NGEF: variants seen among roughly 807,000 people sequenced by gnomAD.
NGEF encodes the protein ephexin-1.
A neutral mutation model predicts 80.9 loss-of-function variants in NGEF; 31 were observed. The observed-to-expected ratio is 0.38, with a 90% CI of 0.29 to 0.52. NGEF has a LOEUF of 0.52. Ranked by LOEUF, NGEF falls within the 20% of genes least tolerant of loss-of-function variation. NGEF has a pLI of 0.84. For synonymous variants in NGEF, 371 were observed against 370.2 expected, an observed-to-expected ratio of 1.00 and a Z score of -0.03; for missense variants, 709 against 926.2, an observed-to-expected ratio of 0.77 and a Z score of 3.04.
chr2:232,884,992 G>A lies in NGEF; in HGVS notation c.1437+288C>T, dbSNP rs374978272. ...ATGTAAACTGACTGCTCAAGGCCACGCAGCGGGCAGGTGAGAGCAGGGTCC... is the reference window on the plus strand; with the variant it reads ...ATGTAAACTGACTGCTCAAGGCCACACAGCGGGCAGGTGAGAGCAGGGTCC... On this transcript the variant is annotated intron_variant, in intron 10 of 14. Transcript: ENST00000264051. 351 of 333,306 alleles carry A rather than the reference G, an allele frequency of 1.1e-3. 1 individual carries two copies. The highest frequency in any genetic ancestry group is 7.0e-3 in the African/African-American group (330 of 47,318). 20.6% of individuals were successfully genotyped at this position (333,306 alleles called of 1,614,324 possible). A position where few individuals can be genotyped will look rare whatever the true frequency, so the allele number is the denominator to read the frequency against.
intron 3 of NGEF, 33 bp from the exon 4 acceptor site, chr2:232,927,219 AT>A: frequency 6.6e-7 from 1 of 1,523,952 alleles, no homozygotes. Flanking sequence ...GGGGCTGGTT[AT>A]TTTTAAGCAA....
At chr2:232,978,779 G>T (rs575724532) in intron 1 of NGEF, among the ~76,000 whole-genome samples, 1 of 152,322 alleles carries the variant, frequency 6.6e-6, no homozygotes, top group East Asian at 1.9e-4. Flanking sequence ...GAGAGCAGTG[G>T]TGCAGTAGAG....
At chr2:232,963,354 A>G (rs1693990618) in intron 3 of NGEF, among the ~76,000 whole-genome samples, 1 of 152,146 alleles carries the variant, frequency 6.6e-6, no homozygotes, top group African/African-American at 2.4e-5. Context: ...TATGGACCAT[A>G]GACCCAAATG....
intron 3 of NGEF, among the ~76,000 whole-genome samples, chr2:232,961,945 A>G (rs1559225895): frequency 6.6e-6 from 1 of 152,174 alleles, no homozygotes; most frequent in Non-Finnish European, 1.5e-5. Context: ...AGGGGGCCTC[A>G]TGGCCCCCAA....
At chr2:232,977,066 G>A (rs1004837154) in intron 1 of NGEF, among the ~76,000 whole-genome samples, 3 of 152,180 alleles carry the variant, frequency 2.0e-5, no homozygotes, top group African/African-American at 4.8e-5. Context: ...GCTCCAGCGA[G>A]ATGGGGTGAT....
At chr2:232,982,065 T>A (rs375282447) in intron 1 of NGEF, among the ~76,000 whole-genome samples, 1 of 152,092 alleles carries the variant, frequency 6.6e-6, no homozygotes, top group Non-Finnish European at 1.5e-5. Flanking sequence ...CAGCCCTGGG[T>A]GACTGGGACT....
intron 1 of NGEF, among the ~76,000 whole-genome samples, chr2:232,989,096 G>A (rs1456185175): frequency 6.6e-6 from 1 of 152,080 alleles, no homozygotes; most frequent in African/African-American, 2.4e-5. Flanking sequence ...GGATAGTTGG[G>A]GAGTAGGGCT....
At chr2:232,979,428 T>C (rs1216028067) in intron 1 of NGEF, among the ~76,000 whole-genome samples, 1 of 152,010 alleles carries the variant, frequency 6.6e-6, no homozygotes, top group Non-Finnish European at 1.5e-5. Flanking sequence ...TGTAAAACTA[T>C]TCTAATTCTG....
chr2:232,966,426 C>T (rs1235670296), intron 3 of NGEF, among the ~76,000 whole-genome samples: 1 of 152,216 alleles, frequency 6.6e-6, no homozygotes, highest in Non-Finnish European at 1.5e-5. Flanking sequence ...CCAATCCCTG[C>T]TCAGCCTTGG....
At chr2:232,973,719 T>C (rs1252118700) in intron 2 of NGEF, among the ~76,000 whole-genome samples, 1 of 152,204 alleles carries the variant, frequency 6.6e-6, no homozygotes, top group Non-Finnish European at 1.5e-5. Flanking sequence ...AGCCACCAGC[T>C]GACTGCAGAG....
chr2:232,885,376 CAAG>C lies in NGEF; in HGVS notation c.1348-10_1348-8del. On this transcript the variant is annotated splice_polypyrimidine_tract_variant and splice_region_variant and intron_variant, in intron 9 of 14. Transcript: ENST00000264051. ...CGTTGCATGCCTTCACCACCTGGGACAAGAAGGAGGGCACATCAGGCCACCAAA... is the reference window on the plus strand; with the variant it reads ...CGTTGCATGCCTTCACCACCTGGGACAAGGAGGGCACATCAGGCCACCAAA... The C allele has an allele frequency of 5.0e-6, 8 of 1,613,446 alleles. No homozygotes were observed. The highest frequency in any genetic ancestry group is 1.6e-4 in the Middle Eastern group (1 of 6,062).
chr2:232,955,345 CT>C (rs1474499354), intron 3 of NGEF, among the ~76,000 whole-genome samples: 1 of 152,120 alleles, frequency 6.6e-6, no homozygotes, highest in African/African-American at 2.4e-5. Flanking sequence ...AGGAAGTCAG[CT>C]TTGAAATAGT....
intron 3 of NGEF, 24 bp from the exon 4 acceptor site, chr2:232,927,210 G>C (rs758851674): frequency 1.3e-6 from 2 of 1,537,032 alleles, no homozygotes; most frequent in South Asian, 2.5e-5. Context: ...AGGAGGACAG[G>C]GGCTGGTTAT....
chr2:232,903,861 A>T (rs115171495), intron 5 of NGEF, among the ~76,000 whole-genome samples: 1,854 of 152,342 alleles, frequency 0.012, 43 homozygotes, highest in African/African-American at 0.042. Flanking sequence ...TAAAATCCTA[A>T]GTAATTTCTT....
At chr2:232,943,863 C>G (rs191489461) in intron 3 of NGEF, among the ~76,000 whole-genome samples, 21 of 152,046 alleles carry the variant, frequency 1.4e-4, no homozygotes, top group Admixed American at 1.4e-3. Context: ...AGGAAACAGA[C>G]ACTGAAATAC....
intron 14 of NGEF, among the ~76,000 whole-genome samples, chr2:232,880,686 G>A (rs182544637): frequency 2.0e-5 from 3 of 152,238 alleles, no homozygotes; most frequent in African/African-American, 7.2e-5. Context: ...ACAGCAGCAG[G>A]GGTGGCCAGG....
intron 1 of NGEF, among the ~76,000 whole-genome samples, chr2:232,990,527 T>G (rs753160054): frequency 2.0e-5 from 3 of 152,090 alleles, no homozygotes; most frequent in Non-Finnish European, 4.4e-5. Flanking sequence ...ATGAAATTCA[T>G]CTGCAGGATA....
intron 5 of NGEF, among the ~76,000 whole-genome samples, chr2:232,906,242 C>A (rs1194210283): frequency 1.0e-5 from 1 of 100,222 alleles, no homozygotes; most frequent in East Asian, 3.4e-4. Flanking sequence ...CCCCGCCCGG[C>A]CAGCCGCCCC....
At chr2:232,994,937 T>G (rs1371917806) in intron 1 of NGEF, among the ~76,000 whole-genome samples, 1 of 84,794 alleles carries the variant, frequency 1.2e-5, no homozygotes. Context: ...CATGGATATA[T>G]ACACACATAT....
Sources: allele counts gnomAD v4.1 joint callset (sites outside exome capture counted in the v4.1 genomes callset), GRCh38; gene constraint gnomAD v4.1.1; transcripts MANE v1.5; gene names NCBI Gene and HGNC (gene_info 2026-07-23, HGNC 2026-07-21).